The following HAGH variants were observed in gnomAD, a reference collection of about 807,000 sequenced individuals.
HAGH encodes hydroxyacylglutathione hydrolase, also known as hydroxyacylglutathione hydrolase, mitochondrial.
HAGH carries 29 observed loss-of-function variants against 35.1 expected under a neutral mutation model. The ratio of observed to expected loss-of-function variants is 0.83; its 90% CI spans 0.62 to 1.13. The LOEUF is 1.13. HAGH is among the 50% of genes most tolerant of loss of function. The probability of loss-of-function intolerance (pLI) is 0.00; values close to 1 mark genes in which losing one functional copy is unlikely to be tolerated. For synonymous variants in HAGH, 225 were observed against 176.1 expected (o/e 1.28, Z -2.20); for missense variants, 478 against 419.6 (o/e 1.14, Z -1.22).
At chr16:1,809,426 C>T (rs1283966248) in intron 8 of HAGH, 44 bp from the exon 9 acceptor site, 3 of 1,527,696 alleles carry the variant, frequency 2.0e-6, no homozygotes, top group Non-Finnish European at 1.8e-6. Flanking sequence ...CGAGCCACGC[C>T]CACCGGAGGA....
At chr16:1,815,998 T>C (rs996077972) in intron 7 of HAGH, among the ~76,000 whole-genome samples, 2 of 127,104 alleles carry the variant, frequency 1.6e-5, no homozygotes, top group African/African-American at 5.9e-5. Flanking sequence ...TGGAGCGCAG[T>C]GGAGCGATCT....
At chr16:1,815,229 C>T (rs1032033033) in intron 7 of HAGH, among the ~76,000 whole-genome samples, 11 of 152,094 alleles carry the variant, frequency 7.2e-5, no homozygotes, top group Non-Finnish European at 1.0e-4. Context: ...ATGGAGGCCC[C>T]GGAACTCAAG....
chr16:1,813,992 C>A (rs1176960067), intron 7 of HAGH, among the ~76,000 whole-genome samples: 1 of 152,218 alleles, frequency 6.6e-6, no homozygotes, highest in Admixed American at 6.5e-5. Flanking sequence ...CGGGATCACA[C>A]TGCGAGAGGG....
At chr16:1,826,651 C>CGCCCGCT in intron 1 of HAGH, 61 bp downstream of exon 1, 1 of 964,654 alleles carries the variant, frequency 1.0e-6, no homozygotes, top group Non-Finnish European at 1.2e-6. Flanking sequence ...GGCCCGGCGC[C>CGCCCGCT]GCCCGCTGCC....
chr16:1,826,769 G>C lies in HAGH; in HGVS notation c.19C>G (p.Leu7Val), dbSNP rs906204423. Reference protein sequence around the residue: MVVGRGLLGRRSLAALG... With the variant: MVVGRGVLGRRSLAALG... Reference sequence around the variant, plus strand: ...GCGGCGAGGCTGCGGCGGCCGAGCAGCCCTCGGCCCACCACCATGACCCGG... The same window carrying C: ...GCGGCGAGGCTGCGGCGGCCGAGCACCCCTCGGCCCACCACCATGACCCGG... The change falls in exon 1 of 9, where the codon CTG becomes GTG. Residue 7 changes from leucine (L) to valine (V), a missense_variant. Leu to Val is a conservative substitution (Grantham distance 32). Coordinates refer to ENST00000397356, the MANE Select transcript of HAGH (RefSeq NM_005326.6). 2 of 1,211,714 alleles carry C rather than the reference G, an allele frequency of 1.7e-6. No individual in the cohort carries two copies. Among genetic ancestry groups the C allele is most frequent in the Non-Finnish European group, 2.1e-6 (2 of 974,668 alleles). 75.1% of individuals were successfully genotyped at this position (1,211,714 alleles called of 1,614,324 possible).
chr16:1,819,338 C>T (rs1271902722), intron 4 of HAGH, 115 bp from the exon 5 acceptor site: 14 of 646,612 alleles, frequency 2.2e-5, no homozygotes, highest in South Asian at 9.6e-5. Flanking sequence ...GGGAAATGCC[C>T]GTGAAGGTGG....
chr16:1,810,804 G>C (rs8046750), intron 7 of HAGH: 19,480 of 152,368 alleles, frequency 0.13, 1,651 homozygotes, highest in South Asian at 0.18. Flanking sequence ...TGGTGTCGGT[G>C]AGTGACTCTT....
intron 7 of HAGH, among the ~76,000 whole-genome samples, chr16:1,814,726 A>C (rs1217623344): frequency 6.6e-6 from 1 of 151,794 alleles, no homozygotes; most frequent in Non-Finnish European, 1.5e-5. Flanking sequence ...GGTGAAACCC[A>C]TCTCTACTAA....
At chr16:1,809,437 G>A (rs1035608386) in intron 8 of HAGH, 55 bp from the exon 9 acceptor site, 28 of 1,417,018 alleles carry the variant, frequency 2.0e-5, no homozygotes, top group Non-Finnish European at 2.7e-5. Context: ...CACCGGAGGA[G>A]CCAGGGCCAC....
intron 5 of HAGH, among the ~76,000 whole-genome samples, chr16:1,818,346 C>T (rs1001173851): frequency 3.3e-5 from 5 of 152,162 alleles, no homozygotes; most frequent in Admixed American, 6.5e-5. Flanking sequence ...TCCCTCACAG[C>T]GAGGCGCCCG....
rs941186076 is a variant in HAGH at position 1,819,001 on chromosome 16, C to A, written c.541+114G>T. ...GGCTCCCCAGCACCCACCCCTGGGC[C>A]CCCTCACACCGGTGCAACAGAGAAG... On this transcript the variant is annotated intron_variant, in intron 5 of 8. Transcript: ENST00000397356. 14 of 677,434 alleles carry A rather than the reference C, an allele frequency of 2.1e-5. No individual in the cohort carries two copies. In the African/African-American group the frequency reaches 2.5e-4, roughly 12 times the overall value. 42.0% of individuals were successfully genotyped at this position (677,434 alleles called of 1,614,324 possible).
At chr16:1,827,171 TC>T, upstream of HAGH, 1 of 1,544,664 alleles carries the variant, frequency 6.5e-7, no homozygotes, top group Non-Finnish European at 8.8e-7. Context: ...GTTGGTCCTC[TC>T]CGGGATGCCG....
At chr16:1,816,540 G>T (rs542133415) in intron 7 of HAGH, among the ~76,000 whole-genome samples, 231 of 152,206 alleles carry the variant, frequency 1.5e-3, no homozygotes, top group African/African-American at 5.3e-3. Context: ...GGAGGCTCAC[G>T]TGGGGCCACC....
At chr16:1,825,524 C>T (rs1204367065) in intron 1 of HAGH, among the ~76,000 whole-genome samples, 2 of 152,172 alleles carry the variant, frequency 1.3e-5, no homozygotes, top group Non-Finnish European at 2.9e-5. Context: ...AGGTCAAGGA[C>T]CTGCAGCCTG....
Position 1,817,171 on chromosome 16 carries a change from G to A in HAGH, c.642C>T (p.Asp214=), listed in dbSNP as rs749337311. ...LLEVLGRLPP[D]TRVYCGHEYT... Reference sequence around the variant, plus strand: ...CCCGCAGGGAGGCGCTGCCTACTGTGTCCGGGGGGAGCCGGCCCAAGACCT... The same window carrying A: ...CCCGCAGGGAGGCGCTGCCTACTGTATCCGGGGGGAGCCGGCCCAAGACCT... The change falls in exon 6 of 9, where the codon GAC becomes GAT. Residue 214 remains aspartate, a synonymous_variant. Transcript: ENST00000397356. 1 of 1,602,160 alleles carries A rather than the reference G, an allele frequency of 6.2e-7. No homozygotes were observed. Among genetic ancestry groups the A allele is most frequent in the Non-Finnish European group, 8.6e-7 (1 of 1,169,074 alleles).
rs1216041628 is a variant in HAGH at position 1,807,837 on chromosome 16, AT to A, written c.*1445del. On this transcript the variant is annotated 3_prime_UTR_variant, in exon 9 of 9. Transcript: ENST00000397356. The stretch of plus-strand genomic sequence containing the variant: ...CCAGTGACCCCTCCGGGGGGAGGGC[AT>A]GCATGTGGTCTGAAGTGCAGTGCCA... The A allele has an allele frequency of 4.6e-5, 3 of 64,568 alleles. No individual in the cohort carries two copies. Among genetic ancestry groups the A allele is most frequent in the Non-Finnish European group, 9.9e-5 (3 of 30,386 alleles). The allele number at this position is 64,568 out of a possible 1,614,324, so 4.0% of individuals were successfully genotyped here.
At position 1,819,118 on chromosome 16, in the gene HAGH, T is replaced by C. The variant is rs1898033339; in HGVS notation, c.538A>G (p.Thr180Ala). ...CCACCCACACTCGAACACGCACCTG[T>C]GAACACGGCAGGGGGCTCCGAGCCT... ...PGGSEPPAVF[T>A]GDTLFVAGCG... The change falls in exon 5 of 9, where the codon ACA (threonine) becomes GCA (alanine). Residue 180 changes from threonine (T) to alanine (A), a missense_variant. By Grantham distance (58) the Thr-to-Ala change is moderately conservative (BLOSUM62 0). Transcript: ENST00000397356. The C allele has an allele frequency of 1.3e-6, 2 of 1,599,566 alleles. No individual in the cohort carries two copies. The highest frequency in any genetic ancestry group is 1.7e-5 in the Admixed American group (1 of 59,958).
chr16:1,819,369 G>A, intron 4 of HAGH, 146 bp from the exon 5 acceptor site: 1 of 604,780 alleles, frequency 1.7e-6, no homozygotes, highest in Non-Finnish European at 2.9e-6. Flanking sequence ...CCCCACCACG[G>A]GACTGGGGGA....
In HAGH at chr16:1,814,129, T is replaced by G. The variant is rs1897781328; in HGVS notation, c.747+2764A>C. Among the ~76,000 whole-genome samples the G allele has an allele frequency of 1.3e-5, 2 of 152,112 alleles. 1 individual carries two copies. The highest frequency in any genetic ancestry group is 4.8e-5 in the African/African-American group (2 of 41,398). Reference sequence around the variant, plus strand: ...GAAGAAACACAGGAGAAAGTCTTTGTGAGCTAAGGGTATGCAAAGATATCT... The same window carrying G: ...GAAGAAACACAGGAGAAAGTCTTTGGGAGCTAAGGGTATGCAAAGATATCT... On this transcript the variant is annotated intron_variant, in intron 7 of 8. Transcript: ENST00000397356.
Sources: allele counts gnomAD v4.1 joint callset (sites outside exome capture counted in the v4.1 genomes callset), GRCh38; gene constraint gnomAD v4.1.1; transcripts MANE v1.5; gene names NCBI Gene and HGNC (gene_info 2026-07-23, HGNC 2026-07-21).